PER3: variants seen among roughly 807,000 people sequenced by gnomAD.
The protein encoded by PER3 is period circadian protein homolog 3.
In PER3, 107 loss-of-function variants were observed where a neutral mutation model predicts 127.2. That is an observed-to-expected ratio of 0.84 (90% CI 0.72 to 0.99). The LOEUF (loss-of-function observed/expected upper bound fraction) is 0.99. PER3 is among the 50% of genes least tolerant of loss of function. PER3 has a pLI of 0.00. For synonymous variants in PER3, 618 were observed against 585.8 expected (o/e 1.05, Z -0.79); for missense variants, 1,560 against 1,525.8 (o/e 1.02, Z -0.37).
Position 7,810,561 on chromosome 1 carries a change from G to A in PER3, c.1495G>A (p.Gly499Ser). Residue 499 changes from glycine (G) to serine (S), a missense_variant, in exon 13 of 22, where the codon GGT becomes AGT. Physicochemically the swap from Gly to Ser is moderately conservative, Grantham distance 56 (BLOSUM62 0). This residue lies in a region of PER3 where 1,332 missense variants were observed against 1,223.6 expected (regional missense o/e 1.09). Coordinates refer to ENST00000377532, the MANE Select transcript of PER3 (RefSeq NM_001377275.1). ...GACGGGGACACGCACAGAACCGAAT[G>A]GTGGTGGTGAGTCAGCGAATGGTGG... ...PVTGTRTEPN[G>S]GGESANGGGE... is the part of the protein sequence containing the mutation. 2 of 1,611,176 alleles carry A rather than the reference G, an allele frequency of 1.2e-6. No individual in the cohort carries two copies. Among genetic ancestry groups the A allele is most frequent in the Non-Finnish European group, 1.7e-6 (2 of 1,178,976 alleles).
At chr1:7,813,500 G>A (rs2097231058) in intron 13 of PER3, among the ~76,000 whole-genome samples, 1 of 152,170 alleles carries the variant, frequency 6.6e-6, no homozygotes, top group African/African-American at 2.4e-5. Context: ...CCGACAGCCT[G>A]AGTCAAGTAA....
chr1:7,789,969 C>T (rs1180346099), intron 5 of PER3, among the ~76,000 whole-genome samples: 1 of 152,170 alleles, frequency 6.6e-6, no homozygotes, highest in Non-Finnish European at 1.5e-5. Flanking sequence ...CTTTTGTTAG[C>T]TGTTCATTCC....
At chr1:7,820,039 T>G in intron 14 of PER3, 76 bp from the exon 15 acceptor site, 450 of 1,458,296 alleles carry the variant, frequency 3.1e-4, no homozygotes, top group Non-Finnish European at 3.8e-4. Flanking sequence ...ATAAGTGGCA[T>G]GAGAAAAGCA....
Position 7,827,367 on chromosome 1 carries a change from C to T in PER3, c.2438C>T (p.Pro813Leu), listed in dbSNP as rs561400159. The change falls in exon 18 of 22, where the codon CCA becomes CTA. Residue 813 changes from proline to leucine, a missense_variant. This residue lies in a region of PER3 where 1,332 missense variants were observed against 1,223.6 expected (regional missense o/e 1.09). Coordinates refer to ENST00000377532, the MANE Select transcript of PER3 (RefSeq NM_001377275.1). ...TACCTCGTCCCAGCTTTTCCCCTCC[C>T]AGCCGCGACCTCACCCGGAAGAGAA... ...APYLVPAFPL[P>L]AATSPGREYA... 1.9e-6 allele frequency: 3 copies of T among 1,614,150 alleles called. No homozygotes were observed. In the South Asian group the frequency reaches 3.3e-5, roughly 18 times the overall value.
intron 6 of PER3, among the ~76,000 whole-genome samples, chr1:7,797,053 A>G (rs1057324127): frequency 3.3e-5 from 5 of 152,174 alleles, no homozygotes; most frequent in Admixed American, 1.3e-4. Flanking sequence ...TTGAGACTCT[A>G]TGAGAGTCTG....
chr1:7,791,602 G>C (rs1437986346), intron 5 of PER3, among the ~76,000 whole-genome samples: 1 of 152,210 alleles, frequency 6.6e-6, no homozygotes, highest in Non-Finnish European at 1.5e-5. Flanking sequence ...GCAAATTTCT[G>C]TAGCAGGCTT....
At chr1:7,833,730 C>T (rs941422370) in intron 19 of PER3, among the ~76,000 whole-genome samples, 11 of 152,124 alleles carry the variant, frequency 7.2e-5, no homozygotes, top group Non-Finnish European at 1.3e-4. Context: ...AGATTATTTA[C>T]ATTTAATGTG....
At chr1:7,832,087 C>T (rs1302930468) in intron 19 of PER3, among the ~76,000 whole-genome samples, 1 of 151,998 alleles carries the variant, frequency 6.6e-6, no homozygotes, top group Non-Finnish European at 1.5e-5. Flanking sequence ...ATCAGGTTAT[C>T]AGTTTCTTAG....
At chr1:7,835,556 G>A (rs1222516597) in intron 19 of PER3, among the ~76,000 whole-genome samples, 1 of 152,176 alleles carries the variant, frequency 6.6e-6, no homozygotes, top group East Asian at 1.9e-4. Context: ...CCTTGAGAGT[G>A]ATAGCTCATT....
rs368404698 is a variant in PER3, at chr1:7,827,636, C to A, written c.2707C>A (p.Pro903Thr). The change falls in exon 18 of 22, where the codon CCT becomes ACT. Residue 903 changes from proline (P) to threonine (T), a missense_variant. Physicochemically the swap from Pro to Thr is conservative, Grantham distance 38. Transcript: ENST00000377532. ...AATGAGTCCAACTCTGGACCCACCC[C>A]CTTCAGTCACCAGCCAAAGGAGAGA... ...SAMSPTLDPPPSVTSQRREEE... is the reference protein window; with the variant it reads ...SAMSPTLDPPTSVTSQRREEE... 26 of 1,614,104 alleles carry A rather than the reference C, an allele frequency of 1.6e-5. No individual in the cohort carries two copies. The highest frequency in any genetic ancestry group is 1.7e-5 in the Non-Finnish European group (20 of 1,180,054).
Position 7,842,678 on chromosome 1 carries a change from G to T in PER3, c.3556G>T (p.Val1186Phe). 1.2e-6 allele frequency: 2 copies of T among 1,613,336 alleles called. No individual in the cohort carries two copies. Among genetic ancestry groups the T allele is most frequent in the African/African-American group, 2.7e-5 (2 of 75,014 alleles). The change falls in exon 22 of 22, where the codon GTC (valine) becomes TTC (phenylalanine). Residue 1186 changes from valine (V) to phenylalanine (F), a missense_variant. Physicochemically the swap from Val to Phe is conservative, Grantham distance 50 (BLOSUM62 -1). This residue lies in a region of PER3 where 199 missense variants were observed against 198.6 expected (regional missense o/e 1.00). Transcript: ENST00000377532. ...VTQEIDIQACVTCENEDSADG... is the reference protein window; with the variant it reads ...VTQEIDIQACFTCENEDSADG... ...GCTTTGTTCTTTTTTGGAGGCCTGT[G>T]TCACTTGTGAAAATGAAGATTCAGC...
intron 13 of PER3, 61 bp from the exon 14 acceptor site, chr1:7,819,224 G>C: frequency 6.9e-7 from 1 of 1,449,292 alleles, no homozygotes; most frequent in Non-Finnish European, 9.6e-7. Flanking sequence ...TGGTAAGAAA[G>C]TATATGTTCT....
Position 7,788,565 on chromosome 1 carries a change from CCTT to C in PER3, c.592+321_592+323del, listed in dbSNP as rs1331726142. The C allele has an allele frequency of 3.7e-5, 8 of 214,802 alleles. No individual in the cohort carries two copies. In the South Asian group the frequency reaches 7.5e-4, roughly 20 times the overall value. 13.3% of individuals were successfully genotyped at this position (214,802 alleles called of 1,614,324 possible). On this transcript the variant is annotated intron_variant, in intron 5 of 21. Coordinates refer to ENST00000377532, the MANE Select transcript of PER3 (RefSeq NM_001377275.1). ...TAAGTTAAAATTAAATGTTTTTCCT[CCTT>C]CATGATTTCCTTGTATGAGAAATTT... is the stretch of plus-strand genomic sequence containing the variant.
chr1:7,822,927 C>A (rs532324418), intron 16 of PER3, among the ~76,000 whole-genome samples: 1 of 152,126 alleles, frequency 6.6e-6, no homozygotes, highest in South Asian at 2.1e-4. Context: ...AGTGTGGTGA[C>A]CCACACCTGT....
At chr1:7,815,104 G>A (rs923303231) in intron 13 of PER3, among the ~76,000 whole-genome samples, 3 of 152,098 alleles carry the variant, frequency 2.0e-5, no homozygotes, top group Non-Finnish European at 4.4e-5. Context: ...CCTGGGCAAC[G>A]TAGCCATACT....
At chr1:7,832,713 ATTTTAT>A (rs918449432) in intron 19 of PER3, among the ~76,000 whole-genome samples, 1 of 24,432 alleles carries the variant, frequency 4.1e-5, no homozygotes, top group Non-Finnish European at 9.5e-5. Context: ...TTTACTTTGG[ATTTTAT>A]TTTTTTTTTC....
At chr1:7,822,482 AC>A (rs1240375786) in intron 16 of PER3, among the ~76,000 whole-genome samples, 5 of 152,118 alleles carry the variant, frequency 3.3e-5, no homozygotes, top group Middle Eastern at 6.8e-3. Flanking sequence ...CGAACTCCGG[AC>A]CTCAGGTGAT....
chr1:7,808,293 C>T (rs1043918933), intron 10 of PER3, among the ~76,000 whole-genome samples: 3 of 148,466 alleles, frequency 2.0e-5, no homozygotes, highest in Non-Finnish European at 4.5e-5. Context: ...CATAGAAGGT[C>T]CCAAGTAAAC....
Position 7,826,649 on chromosome 1 carries a change from A to C in PER3, c.2127A>C (p.Ser709=). Residue 709 remains serine (S), a synonymous_variant, in exon 17 of 22, where the codon TCA becomes TCC. Transcript: ENST00000377532. This position sits in a 1 kb window ranked among gnomAD's most constrained non-coding sequence, Gnocchi z 4.2. ...VDKFREKILS[S]PYSSYLQQES... is the part of the protein sequence containing the mutation. ...AATTCCGAGAAAAGATCCTGTCATCACCCTACAGCTCCTATCTTCAGCAAG... is the reference window on the plus strand; with the variant it reads ...AATTCCGAGAAAAGATCCTGTCATCCCCCTACAGCTCCTATCTTCAGCAAG... 1 of 1,613,668 alleles carries C rather than the reference A, an allele frequency of 6.2e-7. No homozygotes were observed. Among genetic ancestry groups the C allele is most frequent in the Non-Finnish European group, 8.5e-7 (1 of 1,179,596 alleles).
Sources: allele counts gnomAD v4.1 joint callset (sites outside exome capture counted in the v4.1 genomes callset), GRCh38; gene constraint gnomAD v4.1.1; regional missense constraint gnomAD v4.1.1; non-coding constraint Gnocchi (gnomAD v3.1); transcripts MANE v1.5; gene names NCBI Gene and HGNC (gene_info 2026-07-23, HGNC 2026-07-21).